RPLP0: variants seen among roughly 807,000 people sequenced by gnomAD.
RPLP0 encodes ribosomal protein lateral stalk subunit P0, also known as large ribosomal subunit protein uL10.
For synonymous variants in RPLP0, 137 were observed against 153.4 expected, an observed-to-expected ratio of 0.89 and a Z score of 0.79; for missense variants, 276 against 402.9, an observed-to-expected ratio of 0.69 and a Z score of 2.70.
Position 120,198,367 on chromosome 12 carries a change from C to T in RPLP0, c.651+187G>A, listed in dbSNP as rs1230580640. On this transcript the variant is annotated intron_variant, in intron 6 of 7. Coordinates refer to ENST00000392514, the MANE Select transcript of RPLP0 (RefSeq NM_001002.4). This position sits in a 1 kb window ranked among gnomAD's most constrained non-coding sequence, Gnocchi z 4.1. ...TGCCACTGCACTCCAGCCTGGGCGA[C>T]ACAGCAAGACTCTGTCTCCAAAAAA... 2 of 616,624 alleles carry T rather than the reference C, an allele frequency of 3.2e-6. No individual in the cohort carries two copies. The highest frequency in any genetic ancestry group is 4.1e-5 in the African/African-American group (2 of 49,116). The allele number at this position is 616,624 out of a possible 1,614,324, so 38.2% of individuals were successfully genotyped here.
At position 120,198,687 on chromosome 12, in the gene RPLP0, G is replaced by A. The variant is rs1247640898; in HGVS notation, c.518C>T (p.Thr173Met). 33 of 1,613,914 alleles carry A rather than the reference G, an allele frequency of 2.0e-5. No homozygotes were observed. Among genetic ancestry groups the A allele is most frequent in the Non-Finnish European group, 2.5e-5 (30 of 1,179,902 alleles). ...TGDKVGASEA[T>M]LLNMLNISPF... ...GGAGATGTTGAGCATGTTCAGCAGC[G>A]TGGCTTCGCTGGCTCCCACTTTGTC... Residue 173 changes from threonine (T) to methionine (M), a missense_variant, in exon 6 of 8, where the codon ACG (threonine) becomes ATG (methionine). Thr to Met is a moderately conservative substitution (Grantham distance 81). Transcript: ENST00000392514. This position sits in a 1 kb window ranked among gnomAD's most constrained non-coding sequence, Gnocchi z 4.1.
intron 2 of RPLP0, chr12:120,200,407 A>G (rs927675543): frequency 2.6e-5 from 9 of 347,450 alleles, no homozygotes; most frequent in African/African-American, 1.1e-4. Context: ...AGGTTGCAGT[A>G]AGCCAAGATC....
intron 7 of RPLP0, 137 bp from the exon 8 acceptor site, chr12:120,197,071 A>C: frequency 6.9e-7 from 1 of 1,443,240 alleles, no homozygotes; most frequent in African/African-American, 1.4e-5. Context: ...CAGCCCAAGC[A>C]GGACAGCTTG....
intron 1 of RPLP0, 52 bp from the exon 2 acceptor site, chr12:120,200,883 G>A (rs1879428782): frequency 2.2e-5 from 33 of 1,516,034 alleles, no homozygotes; most frequent in Non-Finnish European, 2.9e-5. Context: ...CCATCCCGCG[G>A]TCCCGGGCCT....
At chr12:120,199,674 T>C in intron 2 of RPLP0, 189 bp from the exon 3 acceptor site, 1 of 589,516 alleles carries the variant, frequency 1.7e-6, no homozygotes, top group South Asian at 2.2e-5. Flanking sequence ...GTATGAACGC[T>C]GAAAATTAGG....
At chr12:120,200,896 G>A (rs1204329759) in intron 1 of RPLP0, 65 bp from the exon 2 acceptor site, 8 of 1,493,194 alleles carry the variant, frequency 5.4e-6, no homozygotes, top group South Asian at 1.3e-5. Flanking sequence ...CCGGGCCTAA[G>A]AGGAGCAGGA....
intron 6 of RPLP0, 81 bp from the exon 7 acceptor site, chr12:120,197,543 T>C (rs1879230211): frequency 6.6e-7 from 1 of 1,512,170 alleles, no homozygotes; most frequent in Non-Finnish European, 9.0e-7. Flanking sequence ...AGAGAACCCT[T>C]AGCAGACAAT....
chr12:120,200,822 G>T lies in RPLP0; in HGVS notation c.-39C>A, dbSNP rs184149210. 2,907 of 1,603,178 alleles carry T rather than the reference G, an allele frequency of 1.8e-3. 5 individuals carry two copies. The highest frequency in any genetic ancestry group is 2.0e-3 in the Non-Finnish European group (2,359 of 1,175,762). On this transcript the variant is annotated 5_prime_UTR_variant, in exon 2 of 8. Coordinates refer to ENST00000392514, the MANE Select transcript of RPLP0 (RefSeq NM_001002.4). Reference sequence around the variant, plus strand: ...CAGGGATTGCCACGCAGGGTTTAAAGACGATGTCACTGAGGAGAGACAGGG... The same window carrying T: ...CAGGGATTGCCACGCAGGGTTTAAATACGATGTCACTGAGGAGAGACAGGG...
At chr12:120,197,716 A>G (rs1002745752) in intron 6 of RPLP0, 24 of 485,124 alleles carry the variant, frequency 4.9e-5, no homozygotes, top group African/African-American at 3.8e-4. Flanking sequence ...CCCCTACCAC[A>G]ACAGTGAAAA....
rs563131457 is a variant in RPLP0 at position 120,197,452 on chromosome 12, T to C, written c.662A>G (p.Asn221Ser). 84 of 1,613,882 alleles carry C rather than the reference T, an allele frequency of 5.2e-5. No individual in the cohort carries two copies. In the South Asian group the frequency reaches 6.9e-4, roughly 13 times the overall value. Reference sequence around the variant, plus strand: ...AATCTGCAGACAGACACTGGCAACATTGCGGACACCCTGGGGGAGGGAAGA... The same window carrying C: ...AATCTGCAGACAGACACTGGCAACACTGCGGACACCCTGGGGGAGGGAAGA... ...LHSRFLEGVR[N>S]VASVCLQIGY... The change falls in exon 7 of 8, where the codon AAT (asparagine) becomes AGT (serine). Residue 221 changes from asparagine to serine, a missense_variant. Asn to Ser is a conservative substitution (Grantham distance 46). Transcript: ENST00000392514.
chr12:120,196,978 T>G, intron 7 of RPLP0, 44 bp from the exon 8 acceptor site: 1 of 1,608,844 alleles, frequency 6.2e-7, no homozygotes, highest in Non-Finnish European at 8.5e-7. Context: ...TCCACACTCC[T>G]CTATTACCCA....
At chr12:120,200,035 G>GGGA in intron 2 of RPLP0, 2 of 456,104 alleles carry the variant, frequency 4.4e-6, no homozygotes, top group Non-Finnish European at 8.8e-6. Context: ...TTCTGGGCAA[G>GGGA]GGAGACCCAC....
In RPLP0 at chr12:120,197,472, G is replaced by A. The variant is rs992940927; in HGVS notation, c.652-10C>T. Reference sequence around the variant, plus strand: ...CAACATTGCGGACACCCTGGGGGAGGGAAGATTTCATTTTACGTGAGATTC... The same window carrying A: ...CAACATTGCGGACACCCTGGGGGAGAGAAGATTTCATTTTACGTGAGATTC... On this transcript the variant is annotated splice_polypyrimidine_tract_variant and intron_variant, in intron 6 of 7. Transcript: ENST00000392514. 1.2e-6 allele frequency: 2 copies of A among 1,613,450 alleles called. No homozygotes were observed. Among genetic ancestry groups the A allele is most frequent in the South Asian group, 1.1e-5 (1 of 90,974 alleles).
chr12:120,200,576 G>A (rs1293941350), intron 2 of RPLP0, 154 bp downstream of exon 2: 20 of 752,730 alleles, frequency 2.7e-5, no homozygotes, highest in Admixed American at 8.2e-5. Flanking sequence ...CAACAGAAGG[G>A]ACCTATCTCA....
At chr12:120,199,660 C>T in intron 2 of RPLP0, 175 bp from the exon 3 acceptor site, 1 of 633,628 alleles carries the variant, frequency 1.6e-6, no homozygotes, top group Non-Finnish European at 2.7e-6. Flanking sequence ...GATTGGCTAG[C>T]TGGGTATGAA....
chr12:120,198,425 G>T lies in RPLP0; in HGVS notation c.651+129C>A. 51 of 851,152 alleles carry T rather than the reference G, an allele frequency of 6.0e-5. No individual in the cohort carries two copies. Among genetic ancestry groups the T allele is most frequent in the Non-Finnish European group, 8.3e-5 (45 of 544,292 alleles). 52.7% of individuals were successfully genotyped at this position (851,152 alleles called of 1,614,324 possible). A position where few individuals can be genotyped will look rare whatever the true frequency, so the allele number is the denominator to read the frequency against. The stretch of plus-strand genomic sequence containing the variant: ...AAAAATCCTTCAACAATCTTATGTT[G>T]TTACTGACATTTTACAGATGAGGTA... On this transcript the variant is annotated intron_variant, in intron 6 of 7. Coordinates refer to ENST00000392514, the MANE Select transcript of RPLP0 (RefSeq NM_001002.4). The surrounding 1 kb of genome is among the most constrained non-coding windows in gnomAD (Gnocchi z 4.1).
At chr12:120,200,461 TAAA>T (rs879621662) in intron 2 of RPLP0, 36 of 358,872 alleles carry the variant, frequency 1.0e-4, no homozygotes, top group African/African-American at 7.0e-4. Flanking sequence ...AGACTCCGTT[TAAA>T]AAAAAAAAAG....
At chr12:120,197,700 C>T (rs138654202) in intron 6 of RPLP0, 29 of 527,786 alleles carry the variant, frequency 5.5e-5, no homozygotes, top group African/African-American at 5.5e-4. Context: ...GCATTTACTT[C>T]CAAAGCCCCT....
intron 1 of RPLP0, 68 bp downstream of exon 1, chr12:120,201,015 A>C (rs1879440433): frequency 1.0e-5 from 6 of 575,774 alleles, no homozygotes; most frequent in Non-Finnish European, 1.7e-5. Flanking sequence ...ATGTTCCCAA[A>C]GGCCCCCAAA....
Sources: allele counts gnomAD v4.1 joint callset, GRCh38; gene constraint gnomAD v4.1.1; non-coding constraint Gnocchi (gnomAD v3.1); transcripts MANE v1.5; gene names NCBI Gene and HGNC (gene_info 2026-07-23, HGNC 2026-07-21).